PRKCH: variants seen among roughly 807,000 people sequenced by gnomAD.
PRKCH encodes the protein protein kinase C eta type.
In PRKCH, 28 loss-of-function variants were observed where a neutral mutation model predicts 82.5. The observed-to-expected ratio is 0.34, with a 90% CI of 0.25 to 0.47. PRKCH has a LOEUF of 0.47. Ranked by LOEUF, PRKCH falls within the 20% of genes least tolerant of loss-of-function variation. The pLI, the probability that PRKCH is intolerant of heterozygous loss-of-function variation, is 1.00. For missense variants in PRKCH, 705 were observed against 881.8 expected (o/e 0.80, Z 2.54); for synonymous variants, 322 against 327.4 (o/e 0.98, Z 0.18).
At chr14:61,345,285 T>C (rs2045977855) in intron 1 of PRKCH, among the ~76,000 whole-genome samples, 1 of 152,224 alleles carries the variant, frequency 6.6e-6, no homozygotes, top group Non-Finnish European at 1.5e-5. Flanking sequence ...TCTTCATGGT[T>C]ATAAACGTAC....
chr14:61,280,835 G>C lies in PRKCH; in HGVS notation c.-19+93167G>C. Reference sequence around the variant, plus strand: ...TCGTAGTAGAGGTACACTGGGCCCTGGAAGAGCTCGGGCAGCGAGAAGTAC... The same window carrying C: ...TCGTAGTAGAGGTACACTGGGCCCTCGAAGAGCTCGGGCAGCGAGAAGTAC... On this transcript the variant is annotated intron_variant, in intron 1 of 3. Transcript: ENST00000555185. The surrounding 1 kb of genome is among the most constrained non-coding windows in gnomAD (Gnocchi z 5.0). 1 of 1,565,906 alleles carries C rather than the reference G, an allele frequency of 6.4e-7. No homozygotes were observed. The highest frequency in any genetic ancestry group is 8.6e-7 in the Non-Finnish European group (1 of 1,164,302).
rs771148181 is a variant in PRKCH at position 61,322,437 on chromosome 14, C to T, written c.336C>T (p.Thr112=). 2 of 1,597,238 alleles carry T rather than the reference C, an allele frequency of 1.3e-6. No homozygotes were observed. The highest frequency in any genetic ancestry group is 1.7e-6 in the Non-Finnish European group (2 of 1,166,528). ...TLQFQELLRT[T]GASDTFEGWV... ...AGTTCCAGGAGCTGCTGCGCACGAC[C>T]GGCGCCTCGGACACCTTCGAGGGTT... The change falls in exon 1 of 14, where the codon ACC becomes ACT. Residue 112 remains threonine, a synonymous_variant. Transcript: ENST00000332981.
rs549106393 is a variant in PRKCH at position 61,367,352 on chromosome 14, G to A, written c.364-23873G>A. Among the ~76,000 whole-genome samples, 9 of 139,896 alleles carry A rather than the reference G, an allele frequency of 6.4e-5. No individual in the cohort carries two copies. The East Asian group carries it at 1.9e-3, about 29-fold the overall frequency. The allele number at this position is 139,896 out of a possible 152,430, so 91.8% of individuals were successfully genotyped here. A position where few individuals can be genotyped will look rare whatever the true frequency, so the allele number is the denominator to read the frequency against. On this transcript the variant is annotated intron_variant, in intron 1 of 13. Coordinates refer to ENST00000332981, the MANE Select transcript of PRKCH (RefSeq NM_006255.5). The stretch of plus-strand genomic sequence containing the variant: ...GATACTACTCAGGTATTGCGTGTGT[G>A]TGTGTGTATGTGTGTGTGTGTGTGT...
intron 1 of PRKCH, chr14:61,278,752 T>C (rs549573124): frequency 2.6e-5 from 4 of 152,318 alleles, no homozygotes; most frequent in Non-Finnish European, 5.9e-5. Flanking sequence ...TTAAACATAC[T>C]GATTGATGTT....
At chr14:61,477,100 G>A (rs1312924583) in intron 9 of PRKCH, 1 of 152,122 alleles carries the variant, frequency 6.6e-6, no homozygotes, top group Non-Finnish European at 1.5e-5. Context: ...ATAAAGCAAC[G>A]GTACTTAGGA....
At chr14:61,409,308 A>C (rs1447451892) in intron 2 of PRKCH, among the ~76,000 whole-genome samples, 1 of 152,066 alleles carries the variant, frequency 6.6e-6, no homozygotes, top group Non-Finnish European at 1.5e-5. Flanking sequence ...GGCTCAAGGA[A>C]TTGCTCTTTG....
chr14:61,434,363 C>G (rs528748153), intron 2 of PRKCH, among the ~76,000 whole-genome samples: 2 of 152,194 alleles, frequency 1.3e-5, no homozygotes, highest in African/African-American at 2.4e-5. Context: ...TCTTCATCAT[C>G]CTGAAACCGA....
Position 61,307,582 on chromosome 14 carries a change from T to C in PRKCH, c.-19+119914T>C, listed in dbSNP as rs149659211. On this transcript the variant is annotated intron_variant, in intron 1 of 3. Transcript: ENST00000555185. ...ACATGCAGATACTCAGCTCTGATTC[T>C]GGCTCCTCATCTGTAAAATAAAGGT... Among the ~76,000 whole-genome samples, 849 of 152,376 alleles carry C rather than the reference T, an allele frequency of 5.6e-3. 12 individuals carry two copies. Among genetic ancestry groups the C allele is most frequent in the Middle Eastern group, 0.01 (3 of 294 alleles).
chr14:61,541,184 C>T (rs563221643), intron 12 of PRKCH, among the ~76,000 whole-genome samples: 1 of 152,364 alleles, frequency 6.6e-6, no homozygotes, highest in Non-Finnish European at 1.5e-5. Context: ...CAACAGCTGG[C>T]AGGAGGGGTA....
intron 5 of PRKCH, among the ~76,000 whole-genome samples, chr14:61,449,951 G>C (rs1175343144): frequency 6.7e-6 from 1 of 150,010 alleles, no homozygotes; most frequent in Non-Finnish European, 1.5e-5. Flanking sequence ...CATCATTCTT[G>C]CCACTCATAT....
intron 1 of PRKCH, among the ~76,000 whole-genome samples, chr14:61,263,294 A>G (rs1033565099): frequency 1.3e-5 from 2 of 152,172 alleles, no homozygotes; most frequent in Non-Finnish European, 2.9e-5. Context: ...ATAGACTTCA[A>G]TGTTATTTAG....
At chr14:61,460,140 C>T (rs1884962705) in intron 9 of PRKCH, among the ~76,000 whole-genome samples, 1 of 152,142 alleles carries the variant, frequency 6.6e-6, no homozygotes, top group South Asian at 2.1e-4. Context: ...AGCCACTGTA[C>T]CTGGCCACTT....
chr14:61,209,190 A>G (rs2044549913), intron 1 of PRKCH, among the ~76,000 whole-genome samples: 1 of 151,886 alleles, frequency 6.6e-6, no homozygotes, highest in African/African-American at 2.4e-5. Flanking sequence ...TACCGGTGCT[A>G]TGCTCTTGGA....
chr14:61,396,679 G>T (rs1315479334), intron 2 of PRKCH, among the ~76,000 whole-genome samples: 2 of 152,206 alleles, frequency 1.3e-5, no homozygotes, highest in African/African-American at 4.8e-5. Context: ...TGATAAATAG[G>T]ACTGTGCCTA....
chr14:61,377,147 G>A (rs1439720080), intron 1 of PRKCH, among the ~76,000 whole-genome samples: 1 of 152,132 alleles, frequency 6.6e-6, no homozygotes, highest in African/African-American at 2.4e-5. Flanking sequence ...TGCACATTTG[G>A]CTTCTCCTCT....
chr14:61,278,991 A>ACACACACACC (rs1406049169), intron 1 of PRKCH: 1 of 151,722 alleles, frequency 6.6e-6, no homozygotes, highest in Non-Finnish European at 1.5e-5. Context: ...ACACACACAC[A>ACACACACACC]CACACACACA....
intron 1 of PRKCH, among the ~76,000 whole-genome samples, chr14:61,234,718 G>C (rs1467365322): frequency 6.6e-6 from 1 of 152,212 alleles, no homozygotes; most frequent in Non-Finnish European, 1.5e-5. Flanking sequence ...ATCTGTTCTG[G>C]TTTTTTATAG....
chr14:61,231,827 T>C (rs900237458), intron 1 of PRKCH, among the ~76,000 whole-genome samples: 4 of 152,134 alleles, frequency 2.6e-5, no homozygotes, highest in Non-Finnish European at 5.9e-5. Context: ...ATGGGTGTGA[T>C]GATGTTGAAA....
intron 1 of PRKCH, among the ~76,000 whole-genome samples, chr14:61,294,946 C>T (rs1222827859): frequency 6.6e-6 from 1 of 152,126 alleles, no homozygotes; most frequent in Non-Finnish European, 1.5e-5. Context: ...GATCTTGGCT[C>T]ACTGCAACCT....
Sources: allele counts gnomAD v4.1 joint callset (sites outside exome capture counted in the v4.1 genomes callset), GRCh38; gene constraint gnomAD v4.1.1; non-coding constraint Gnocchi (gnomAD v3.1); transcripts MANE v1.5; gene names NCBI Gene and HGNC (gene_info 2026-07-23, HGNC 2026-07-21).